Variants in DPP10 observed in about 807,000 individuals in gnomAD.
DPP10 encodes dipeptidyl peptidase like 10, also known as inactive dipeptidyl peptidase 10.
DPP10 carries 33 observed loss-of-function variants against 120.9 expected under a neutral mutation model. The ratio of observed to expected loss-of-function variants is 0.27; its 90% CI spans 0.21 to 0.37. DPP10 has a LOEUF of 0.37. DPP10 is among the 10% of genes least tolerant of loss of function. DPP10 has a pLI of 1.00. For synonymous variants in DPP10, 337 were observed against 326.1 expected (o/e 1.03, Z -0.36); for missense variants, 816 against 942.8 (o/e 0.87, Z 1.76).
At chr2:115,593,650 T>C (rs1206676283) in intron 5 of DPP10, among the ~76,000 whole-genome samples, 2 of 151,940 alleles carry the variant, frequency 1.3e-5, no homozygotes, top group Non-Finnish European at 2.9e-5. Flanking sequence ...AGAGAAAAAA[T>C]GAAAACTCAA....
At chr2:115,097,133 G>A (rs912675964) in intron 1 of DPP10, among the ~76,000 whole-genome samples, 1 of 151,974 alleles carries the variant, frequency 6.6e-6, no homozygotes, top group South Asian at 2.1e-4. Context: ...CAGACATTCA[G>A]TTGGCCATGT....
intron 8 of DPP10, among the ~76,000 whole-genome samples, chr2:115,732,193 T>C (rs1490402614): frequency 6.6e-6 from 1 of 152,172 alleles, no homozygotes; most frequent in African/African-American, 2.4e-5. Flanking sequence ...TTTCAACTTT[T>C]TTAAAATTGA....
chr2:115,064,553 C>G (rs1039487386), intron 1 of DPP10: 1 of 872,088 alleles, frequency 1.1e-6, no homozygotes, highest in Non-Finnish European at 1.5e-6. Flanking sequence ...TTAATTCTGC[C>G]CCACCACCCA....
intron 1 of DPP10, among the ~76,000 whole-genome samples, chr2:115,139,264 T>A (rs1217790134): frequency 6.6e-6 from 1 of 152,186 alleles, no homozygotes; most frequent in Non-Finnish European, 1.5e-5. Flanking sequence ...GTTTAAAAGT[T>A]TTAATCTCCT....
Position 115,814,973 on chromosome 2 carries a change from A to C in DPP10, c.1881A>C (p.Gln627His). 1 of 1,604,398 alleles carries C rather than the reference A, an allele frequency of 6.2e-7. No homozygotes were observed. The highest frequency in any genetic ancestry group is 8.5e-7 in the Non-Finnish European group (1 of 1,172,546). ...TAGGTTCAGTAGAAGTAAAGGACCA[A>C]ATAACAGCTGTGAAGTAAGTGGATG... ...RRLGSVEVKD[Q>H]ITAVKFLLKL... is the part of the protein sequence containing the mutation. The change falls in exon 20 of 26, where the codon CAA becomes CAC. Residue 627 changes from glutamine (Q) to histidine (H), a missense_variant. Around this residue, in one of 3 missense-constraint regions of DPP10, gnomAD observed 592 missense variants for 649.0 expected, o/e 0.91. Coordinates refer to ENST00000410059, the MANE Select transcript of DPP10 (RefSeq NM_020868.6).
chr2:115,222,887 A>ATTT (rs2057247633), intron 1 of DPP10, among the ~76,000 whole-genome samples: 1 of 152,136 alleles, frequency 6.6e-6, no homozygotes, highest in Admixed American at 6.6e-5. Context: ...AAAGAGCATT[A>ATTT]TTAAAAAAAT....
intron 1 of DPP10, among the ~76,000 whole-genome samples, chr2:115,072,672 C>A (rs905798501): frequency 6.6e-6 from 1 of 152,126 alleles, no homozygotes; most frequent in African/African-American, 2.4e-5. Context: ...AAAAGGCATG[C>A]TTTTTATGAA....
At chr2:114,500,879 G>C (rs1443597859) in intron 1 of DPP10, among the ~76,000 whole-genome samples, 1 of 152,188 alleles carries the variant, frequency 6.6e-6, no homozygotes, top group Non-Finnish European at 1.5e-5. Flanking sequence ...TTCTCCATGG[G>C]AGACTGTCAA....
At chr2:115,156,088 T>C (rs1463748331) in intron 1 of DPP10, among the ~76,000 whole-genome samples, 2 of 152,204 alleles carry the variant, frequency 1.3e-5, no homozygotes. Context: ...ACAAGGGATA[T>C]ACACTAGCAA....
intron 5 of DPP10, among the ~76,000 whole-genome samples, chr2:115,556,641 C>T (rs916405792): frequency 6.6e-6 from 1 of 152,006 alleles, no homozygotes; most frequent in Admixed American, 6.6e-5. Context: ...CTTTCAAGCA[C>T]CCGTTCTATG....
intron 1 of DPP10, among the ~76,000 whole-genome samples, chr2:114,450,296 C>T (rs919504110): frequency 6.6e-6 from 1 of 152,088 alleles, no homozygotes; most frequent in Non-Finnish European, 1.5e-5. Flanking sequence ...CCTAGTCAGA[C>T]TGTTATGTTC....
intron 1 of DPP10, among the ~76,000 whole-genome samples, chr2:114,950,697 A>C (rs987782195): frequency 2.0e-5 from 3 of 152,036 alleles, no homozygotes; most frequent in African/African-American, 7.3e-5. Context: ...TTTTAAAGGG[A>C]CTGTATTAAC....
At chr2:115,771,337 C>T (rs1343863009) in intron 13 of DPP10, among the ~76,000 whole-genome samples, 1 of 151,940 alleles carries the variant, frequency 6.6e-6, no homozygotes, top group Non-Finnish European at 1.5e-5. Flanking sequence ...GCCTCCCAAA[C>T]TGCTGGGATT....
chr2:114,942,026 C>A (rs533496429), intron 1 of DPP10, among the ~76,000 whole-genome samples: 4 of 151,964 alleles, frequency 2.6e-5, no homozygotes, highest in Admixed American at 2.0e-4. Context: ...GTAATCCCAG[C>A]ATTTTGGGAG....
At chr2:114,820,717 G>T (rs1429204760) in intron 1 of DPP10, among the ~76,000 whole-genome samples, 4 of 152,172 alleles carry the variant, frequency 2.6e-5, no homozygotes, top group Non-Finnish European at 4.4e-5. Context: ...ACTATCACAA[G>T]AACAGCATGG....
chr2:114,848,798 A>G (rs1029377221), intron 1 of DPP10, among the ~76,000 whole-genome samples: 32 of 152,188 alleles, frequency 2.1e-4, no homozygotes, highest in Admixed American at 1.8e-3. Flanking sequence ...GATGACCTCT[A>G]TGGGAGTCTG....
intron 12 of DPP10, among the ~76,000 whole-genome samples, chr2:115,766,310 G>GTGTGTGTGTGTGTGTATATA (rs1371625141): frequency 3.7e-5 from 3 of 81,748 alleles, no homozygotes; most frequent in South Asian, 4.9e-4. Context: ...GTGTGTGTGT[G>GTGTGTGTGTGTGTGTATATA]TATATATATA....
At chr2:115,249,743 T>C (rs1312602611) in intron 1 of DPP10, among the ~76,000 whole-genome samples, 1 of 152,158 alleles carries the variant, frequency 6.6e-6, no homozygotes, top group Non-Finnish European at 1.5e-5. Flanking sequence ...ACTTTGATTT[T>C]CTTCCTCAAA....
intron 1 of DPP10, among the ~76,000 whole-genome samples, chr2:115,026,195 G>T (rs963255493): frequency 6.6e-6 from 1 of 151,976 alleles, no homozygotes; most frequent in Non-Finnish European, 1.5e-5. Flanking sequence ...AATACATTTT[G>T]ATTTTTTATG....
Sources: gnomAD v4.1 joint callset for allele counts (sites outside exome capture counted in the v4.1 genomes callset) on GRCh38, gnomAD v4.1.1 for gene constraint, gnomAD v4.1.1 regional missense constraint, MANE v1.5 for transcripts, NCBI Gene and HGNC (gene_info 2026-07-23, HGNC 2026-07-21) for gene names.